Variants in SLC22A23 observed in about 807,000 individuals in gnomAD.
SLC22A23 encodes the protein solute carrier family 22 member 23.
In SLC22A23, 26 loss-of-function variants were observed where a neutral mutation model predicts 61.0. The observed-to-expected ratio is 0.43, with a 90% CI of 0.31 to 0.59. The LOEUF (loss-of-function observed/expected upper bound fraction) is 0.59, where lower values mean the gene tolerates loss of function less well. Ranked by LOEUF, SLC22A23 falls within the 20% of genes least tolerant of loss-of-function variation. The pLI, the probability that SLC22A23 is intolerant of heterozygous loss-of-function variation, is 0.11. For synonymous variants in SLC22A23, 430 were observed against 413.9 expected (o/e 1.04, Z -0.47); for missense variants, 796 against 934.7 (o/e 0.85, Z 1.94).
intron 3 of SLC22A23, among the ~76,000 whole-genome samples, chr6:3,362,991 A>G (rs1408554786): frequency 6.6e-6 from 1 of 152,164 alleles, no homozygotes; most frequent in Non-Finnish European, 1.5e-5. Context: ...TCAGAGCCCA[A>G]GGAAGAGAGT....
intron 1 of SLC22A23, among the ~76,000 whole-genome samples, chr6:3,442,942 T>C (rs749852801): frequency 4.6e-5 from 7 of 152,202 alleles, no homozygotes; most frequent in Non-Finnish European, 8.8e-5. Context: ...GTCTCAACTT[T>C]GAGAGAGCGG....
At chr6:3,281,009 G>A (rs1203534365) in intron 9 of SLC22A23, among the ~76,000 whole-genome samples, 2 of 152,186 alleles carry the variant, frequency 1.3e-5, no homozygotes, top group Non-Finnish European at 2.9e-5. Flanking sequence ...GAGAAAACAG[G>A]CGGGTGTCAT....
intron 3 of SLC22A23, among the ~76,000 whole-genome samples, chr6:3,373,886 C>T (rs536608663): frequency 8.5e-5 from 13 of 152,362 alleles, no homozygotes; most frequent in African/African-American, 3.1e-4. Flanking sequence ...CTGGTGCCCA[C>T]TACGTGCCAG....
chr6:3,435,509 C>A (rs1029506939), intron 1 of SLC22A23, among the ~76,000 whole-genome samples: 1 of 152,168 alleles, frequency 6.6e-6, no homozygotes, highest in African/African-American at 2.4e-5. Flanking sequence ...TCTGTCACCA[C>A]CTGGATTGTG....
Position 3,456,707 on chromosome 6 carries a change from G to T in SLC22A23, c.-148C>A. The T allele has an allele frequency of 2.3e-6, 1 of 436,884 alleles. No individual in the cohort carries two copies. The highest frequency in any genetic ancestry group is 2.2e-5 in the African/African-American group (1 of 46,408). The allele number at this position is 436,884 out of a possible 1,614,324, so 27.1% of individuals were successfully genotyped here. On this transcript the variant is annotated 5_prime_UTR_variant, in exon 1 of 10. Coordinates refer to ENST00000406686, the MANE Select transcript of SLC22A23 (RefSeq NM_015482.2). This position sits in a 1 kb window ranked among gnomAD's most constrained non-coding sequence, Gnocchi z 7.1. ...GAGAGAGAGCGCTCGGCGGCTCCGG[G>T]TGCGTCAGGCCGCCCCCATGTCACC... is the stretch of plus-strand genomic sequence containing the variant.
intron 3 of SLC22A23, among the ~76,000 whole-genome samples, chr6:3,378,214 G>T (rs750034933): frequency 7.2e-5 from 11 of 152,134 alleles, no homozygotes; most frequent in Non-Finnish European, 1.3e-4. Flanking sequence ...GCCTTTGGTC[G>T]TTTTCCCTCC....
Position 3,415,844 on chromosome 6 carries a change from C to T in SLC22A23, c.666G>A (p.Val222=), listed in dbSNP as rs1279053428. 2 of 1,550,630 alleles carry T rather than the reference C, an allele frequency of 1.3e-6. No individual in the cohort carries two copies. Among genetic ancestry groups the T allele is most frequent in the Middle Eastern group, 1.7e-4 (1 of 6,016 alleles). The change falls in exon 2 of 10, where the codon GTG becomes GTA. Residue 222 remains valine (V), a synonymous_variant. Coordinates refer to ENST00000406686, the MANE Select transcript of SLC22A23 (RefSeq NM_015482.2). The part of the protein sequence containing the change: ...VQNVVSKWDL[V]CDNAWKVHIA... ...TATGGACCTTCCAGGCATTATCACACACAAGATCCCACTAGAGAGGGGCAA... is the reference window on the plus strand; with the variant it reads ...TATGGACCTTCCAGGCATTATCACATACAAGATCCCACTAGAGAGGGGCAA...
chr6:3,366,183 T>A (rs1191070963), intron 3 of SLC22A23, among the ~76,000 whole-genome samples: 2 of 151,218 alleles, frequency 1.3e-5, no homozygotes, highest in African/African-American at 4.9e-5. Flanking sequence ...ACAAAAAAAA[T>A]TTAGCTGGGC....
intron 3 of SLC22A23, among the ~76,000 whole-genome samples, chr6:3,403,416 G>A (rs1018110958): frequency 6.6e-6 from 1 of 152,086 alleles, no homozygotes; most frequent in African/African-American, 2.4e-5. Context: ...TAAGAGAGGC[G>A]AATGGAGCAA....
chr6:3,449,278 C>T (rs901715381), intron 1 of SLC22A23, among the ~76,000 whole-genome samples: 10 of 152,094 alleles, frequency 6.6e-5, no homozygotes, highest in Non-Finnish European at 1.5e-4. Context: ...AGCCTTAAAG[C>T]TAACATAAGA....
At chr6:3,431,466 G>A (rs1307112369) in intron 1 of SLC22A23, among the ~76,000 whole-genome samples, 1 of 152,156 alleles carries the variant, frequency 6.6e-6, no homozygotes, top group African/African-American at 2.4e-5. Context: ...ACCATCTATG[G>A]GTGGGCATGA....
At chr6:3,441,921 G>C (rs1388744437) in intron 1 of SLC22A23, among the ~76,000 whole-genome samples, 1 of 152,166 alleles carries the variant, frequency 6.6e-6, no homozygotes, top group Non-Finnish European at 1.5e-5. Flanking sequence ...CTGAAGGGGA[G>C]GGCACGGGAG....
chr6:3,335,605 T>A (rs1319323867), intron 3 of SLC22A23, among the ~76,000 whole-genome samples: 4 of 152,140 alleles, frequency 2.6e-5, no homozygotes, highest in African/African-American at 7.2e-5. Flanking sequence ...ACTGCGTGTA[T>A]CACATGCATG....
At chr6:3,343,531 T>C (rs944915188) in intron 3 of SLC22A23, among the ~76,000 whole-genome samples, 1 of 60,012 alleles carries the variant, frequency 1.7e-5, no homozygotes. Flanking sequence ...TAGACATCTT[T>C]TTTTCAATAA....
chr6:3,287,426 C>T (rs535268019), intron 6 of SLC22A23, among the ~76,000 whole-genome samples: 4 of 152,256 alleles, frequency 2.6e-5, no homozygotes, highest in African/African-American at 9.6e-5. Context: ...TTTCCAGGTA[C>T]TGACTCATTT....
At chr6:3,444,994 T>C in intron 1 of SLC22A23, 4 of 985,562 alleles carry the variant, frequency 4.1e-6, no homozygotes, top group African/African-American at 1.7e-5. Flanking sequence ...CACCTGAGGC[T>C]TCCAGGGTGG....
In SLC22A23 at chr6:3,342,613, T is replaced by G. The variant is rs1764211368; in HGVS notation, c.914-18611A>C. On this transcript the variant is annotated intron_variant, in intron 3 of 9. Transcript: ENST00000406686. This position sits in a 1 kb window ranked among gnomAD's most constrained non-coding sequence, Gnocchi z 4.0. ...AGATGGAGCCCAGGAAGCCAGTAGA[T>G]GGGGGGTCCAGGAGATTCAAACCTT... 6.6e-6 allele frequency among the ~76,000 whole-genome samples: 1 copy of G among 152,124 alleles called. No individual in the cohort carries two copies. Among genetic ancestry groups the G allele is most frequent in the Non-Finnish European group, 1.5e-5 (1 of 68,020 alleles).
chr6:3,316,994 C>T (rs563823414), intron 4 of SLC22A23, among the ~76,000 whole-genome samples: 23 of 152,256 alleles, frequency 1.5e-4, no homozygotes, highest in African/African-American at 3.1e-4. Context: ...CATGCACCAA[C>T]GTTTTGGGAG....
At chr6:3,364,647 C>G (rs959864364) in intron 3 of SLC22A23, among the ~76,000 whole-genome samples, 2 of 152,126 alleles carry the variant, frequency 1.3e-5, no homozygotes, top group South Asian at 4.1e-4. Flanking sequence ...AGGTCTCACG[C>G]GTGCAGGGCA....
Sources: allele counts gnomAD v4.1 joint callset (sites outside exome capture counted in the v4.1 genomes callset), GRCh38; gene constraint gnomAD v4.1.1; non-coding constraint Gnocchi (gnomAD v3.1); transcripts MANE v1.5; gene names NCBI Gene and HGNC (gene_info 2026-07-23, HGNC 2026-07-21).